The following RCSD1 variants were observed in gnomAD, a reference collection of about 807,000 sequenced individuals.
The protein encoded by RCSD1 is capZ-interacting protein.
Under a neutral mutation model 42.5 loss-of-function variants are expected in RCSD1, and 26 were observed. The observed-to-expected ratio is 0.61, with a 90% CI of 0.45 to 0.85. RCSD1 has a LOEUF of 0.85. Ranked by LOEUF, RCSD1 falls within the 40% of genes least tolerant of loss-of-function variation. RCSD1 has a pLI of 0.00. For missense variants in RCSD1, 571 were observed against 528.3 expected (o/e 1.08, Z -0.79); for synonymous variants, 220 against 212.2 (o/e 1.04, Z -0.32).
chr1:167,668,959 A>G (rs1029260221), intron 1 of RCSD1, among the ~76,000 whole-genome samples: 4 of 152,256 alleles, frequency 2.6e-5, no homozygotes, highest in Non-Finnish European at 5.9e-5. Flanking sequence ...GTAGTTAAAC[A>G]GATTTGTGAA....
chr1:167,636,442 C>G (rs561411373), intron 1 of RCSD1, among the ~76,000 whole-genome samples: 1 of 152,158 alleles, frequency 6.6e-6, no homozygotes, highest in Non-Finnish European at 1.5e-5. Flanking sequence ...TGTCTCCAGC[C>G]CTTTGTTTTG....
In RCSD1 at chr1:167,637,405, A is replaced by G. The variant is rs933667442; in HGVS notation, c.6+6976A>G. ...ATGACATGACATAAAAACATGCAAG[A>G]TAGAATCTTGATAAGTTCTAAGGTA... On this transcript the variant is annotated intron_variant, in intron 1 of 6. Transcript: ENST00000367854. Among the ~76,000 whole-genome samples, 12 of 152,330 alleles carry G rather than the reference A, an allele frequency of 7.9e-5. No homozygotes were observed. The East Asian group carries it at 2.1e-3, about 27-fold the overall frequency.
intron 1 of RCSD1, among the ~76,000 whole-genome samples, chr1:167,650,102 C>T (rs1028427616): frequency 5.9e-5 from 9 of 152,058 alleles, no homozygotes; most frequent in Admixed American, 3.3e-4. Flanking sequence ...GGGGCCTCAC[C>T]GGAATGATCA....
chr1:167,676,690 G>T (rs1311469608), intron 1 of RCSD1, among the ~76,000 whole-genome samples: 2 of 152,154 alleles, frequency 1.3e-5, no homozygotes, highest in East Asian at 3.8e-4. Context: ...ATGGTCCCCT[G>T]CTGGCACCTG....
chr1:167,643,007 A>G (rs1158693034), intron 1 of RCSD1, among the ~76,000 whole-genome samples: 1 of 152,134 alleles, frequency 6.6e-6, no homozygotes. Flanking sequence ...AAGACCATCA[A>G]TCCTGGGTTT....
chr1:167,651,056 C>G (rs71572464), intron 1 of RCSD1, among the ~76,000 whole-genome samples: 7,340 of 152,280 alleles, frequency 0.048, 198 homozygotes, highest in Non-Finnish European at 0.059. Context: ...CTGTGCGTGT[C>G]TGTGTCCTCA....
At chr1:167,678,063 C>T (rs984311748) in intron 1 of RCSD1, among the ~76,000 whole-genome samples, 6 of 152,214 alleles carry the variant, frequency 3.9e-5, no homozygotes, top group African/African-American at 1.2e-4. Context: ...GCCCTCCAGG[C>T]TCCCACTGGA....
At chr1:167,685,197 T>C (rs1164098795) in intron 2 of RCSD1, among the ~76,000 whole-genome samples, 1 of 152,140 alleles carries the variant, frequency 6.6e-6, no homozygotes, top group East Asian at 1.9e-4. Flanking sequence ...AAAGTCAAAA[T>C]GGGTAGATGG....
At chr1:167,643,436 C>G (rs150404978) in intron 1 of RCSD1, among the ~76,000 whole-genome samples, 1 of 152,352 alleles carries the variant, frequency 6.6e-6, no homozygotes, top group African/African-American at 2.4e-5. Flanking sequence ...CTTTACACTT[C>G]TACCACACTT....
chr1:167,682,668 AGTGTGTGTGTGTGTGTGTGT>A (rs10607777), intron 1 of RCSD1, among the ~76,000 whole-genome samples: 1 of 142,618 alleles, frequency 7.0e-6, no homozygotes, highest in African/African-American at 2.6e-5. Context: ...GCCATGGAAG[AGTGTGTGTGTGTGTGTGTGT>A]GTGTGTGTGT....
At position 167,683,691 on chromosome 1, in the gene RCSD1, A is replaced by G. The variant is rs568071609; in HGVS notation, c.7-209A>G. Among the ~76,000 whole-genome samples, 32 of 152,282 alleles carry G rather than the reference A, an allele frequency of 2.1e-4. No individual in the cohort carries two copies. In the South Asian group the frequency reaches 5.4e-3, roughly 26 times the overall value. ...GGTTTTGTTTGTCTCCAGGTCCCCA[A>G]AGCCACACCCCGGGCCAAGAGCATT... On this transcript the variant is annotated intron_variant, in intron 1 of 6. Transcript: ENST00000367854.
At chr1:167,680,448 C>CTGTTTT (rs143240113) in intron 1 of RCSD1, among the ~76,000 whole-genome samples, 22,054 of 146,860 alleles carry the variant, frequency 0.15, 2,165 homozygotes, top group Non-Finnish European at 0.2. Context: ...TAGATGAGCC[C>CTGTTTT]TGTTTTTGTT....
chr1:167,700,769 T>G (rs768707446), intron 6 of RCSD1, among the ~76,000 whole-genome samples: 6 of 152,176 alleles, frequency 3.9e-5, no homozygotes, highest in Non-Finnish European at 5.9e-5. Flanking sequence ...GGCAAATACA[T>G]GCCCCAATCT....
At chr1:167,669,444 A>G (rs1658749434) in intron 1 of RCSD1, among the ~76,000 whole-genome samples, 1 of 152,226 alleles carries the variant, frequency 6.6e-6, no homozygotes, top group Non-Finnish European at 1.5e-5. Flanking sequence ...TCCTCTGAGA[A>G]TGGGCCTGGG....
At position 167,697,185 on chromosome 1, in the gene RCSD1, C is replaced by T. The variant is rs753794179; in HGVS notation, c.561C>T (p.Phe187=). 3.1e-6 allele frequency: 5 copies of T among 1,614,174 alleles called. No homozygotes were observed. The highest frequency in any genetic ancestry group is 1.7e-5 in the Admixed American group (1 of 60,028). The change falls in exon 6 of 7, where the codon TTC becomes TTT. Residue 187 remains phenylalanine, a synonymous_variant. Coordinates refer to ENST00000367854, the MANE Select transcript of RCSD1 (RefSeq NM_052862.4). ...SQSDCGELGD[F]RAVESSQQNG... is the part of the protein sequence containing the mutation. ...CAGACTGTGGAGAACTTGGAGATTT[C>T]AGGGCGGTGGAGTCATCTCAGCAGA...
intron 1 of RCSD1, among the ~76,000 whole-genome samples, chr1:167,680,330 T>C (rs777606643): frequency 4.0e-5 from 6 of 151,724 alleles, no homozygotes; most frequent in Admixed American, 1.3e-4. Context: ...GTATGGTCCA[T>C]GGGGGTGAGT....
intron 1 of RCSD1, among the ~76,000 whole-genome samples, chr1:167,639,908 T>C (rs1373689736): frequency 6.6e-6 from 1 of 152,228 alleles, no homozygotes; most frequent in Non-Finnish European, 1.5e-5. Context: ...TCCGATGCCC[T>C]CAAGGGGTCT....
At chr1:167,644,835 C>G (rs1236061410) in intron 1 of RCSD1, among the ~76,000 whole-genome samples, 1 of 152,226 alleles carries the variant, frequency 6.6e-6, no homozygotes, top group Non-Finnish European at 1.5e-5. Context: ...GAGCCCCTCT[C>G]CCTGTCTAAG....
At position 167,697,755 on chromosome 1, in the gene RCSD1, C is replaced by A. The variant is rs768305491; in HGVS notation, c.1131C>A (p.Leu377=). The A allele has an allele frequency of 1.3e-6, 2 of 1,537,640 alleles. No homozygotes were observed. The highest frequency in any genetic ancestry group is 1.7e-6 in the Non-Finnish European group (2 of 1,144,266). Reference sequence around the variant, plus strand: ...AAAAACAACAGGAGGGGGCAGTGCTCGAGCCAGGCTGCAGCCCCCAGACCG... The same window carrying A: ...AAAAACAACAGGAGGGGGCAGTGCTAGAGCCAGGCTGCAGCCCCCAGACCG... ...GKEKQQEGAV[L]EPGCSPQTGP... The change falls in exon 6 of 7, where the codon CTC becomes CTA. Residue 377 remains leucine (L), a synonymous_variant. Coordinates refer to ENST00000367854, the MANE Select transcript of RCSD1 (RefSeq NM_052862.4).
Sources: allele counts gnomAD v4.1 joint callset (sites outside exome capture counted in the v4.1 genomes callset), GRCh38; gene constraint gnomAD v4.1.1; transcripts MANE v1.5; gene names NCBI Gene and HGNC (gene_info 2026-07-23, HGNC 2026-07-21).